PCBP2: variants seen among roughly 807,000 people sequenced by gnomAD.
PCBP2 encodes the protein poly(rC)-binding protein 2.
Under a neutral mutation model 50.1 loss-of-function variants are expected in PCBP2, and 4 were observed. The ratio of observed to expected loss-of-function variants is 0.08; its 90% CI spans 0.04 to 0.18. PCBP2 has a LOEUF of 0.18. Ranked by LOEUF, PCBP2 falls within the 10% of genes least tolerant of loss-of-function variation. The pLI is 1.00. For missense variants in PCBP2, 161 were observed against 474.3 expected, an observed-to-expected ratio of 0.34 and a Z score of 6.14; for synonymous variants, 179 against 168.0, an observed-to-expected ratio of 1.07 and a Z score of -0.51.
intron 13 of PCBP2, among the ~76,000 whole-genome samples, chr12:53,469,786 G>A (rs1040825986): frequency 1.5e-5 from 2 of 132,522 alleles, no homozygotes; most frequent in South Asian, 2.5e-4. Context: ...TTTTGAGACG[G>A]CATCTTGCTC....
At chr12:53,454,653 A>G (rs750935123) in intron 1 of PCBP2, 73 bp from the exon 2 acceptor site, 495 of 650,514 alleles carry the variant, frequency 7.6e-4, no homozygotes, top group Non-Finnish European at 1.2e-3. Flanking sequence ...AAATATTGAT[A>G]AGGTGAAAAT....
At chr12:53,479,108 G>C (rs1225017693) in intron 14 of PCBP2, among the ~76,000 whole-genome samples, 3 of 152,158 alleles carry the variant, frequency 2.0e-5, no homozygotes, top group African/African-American at 7.2e-5. Context: ...AGAGGGGCCT[G>C]TTTCCAGAAA....
At chr12:53,460,985 T>C in intron 6 of PCBP2, 30 bp from the exon 7 acceptor site, 1 of 1,611,150 alleles carries the variant, frequency 6.2e-7, no homozygotes, top group Non-Finnish European at 8.5e-7. Context: ...ACTGTTTTTC[T>C]CTGATTTTGA....
rs1942982929 is a variant in PCBP2 at position 53,480,562 on chromosome 12, C to T, written c.*1120C>T. Reference sequence around the variant, plus strand: ...ACAGTAGGACAGTCCCCACCCCAATCAGGCACCAGGATAAAAGCAGGGACT... The same window carrying T: ...ACAGTAGGACAGTCCCCACCCCAATTAGGCACCAGGATAAAAGCAGGGACT... On this transcript the variant is annotated 3_prime_UTR_variant, in exon 15 of 15. Transcript: ENST00000546463. 1 of 152,656 alleles carries T rather than the reference C, an allele frequency of 6.6e-6. No homozygotes were observed. The highest frequency in any genetic ancestry group is 1.5e-5 in the Non-Finnish European group (1 of 68,070). 9.5% of individuals were successfully genotyped at this position (152,656 alleles called of 1,614,324 possible).
chr12:53,453,800 A>C (rs1369106946), intron 1 of PCBP2, among the ~76,000 whole-genome samples: 1 of 152,214 alleles, frequency 6.6e-6, no homozygotes, highest in Non-Finnish European at 1.5e-5. Context: ...TCTACACATA[A>C]CTAGTTACTC....
At chr12:53,477,924 T>C (rs879133508) in intron 14 of PCBP2, among the ~76,000 whole-genome samples, 1 of 152,186 alleles carries the variant, frequency 6.6e-6, no homozygotes, top group South Asian at 2.1e-4. Context: ...TAACTTATCT[T>C]ATGAACTGAA....
intron 14 of PCBP2, among the ~76,000 whole-genome samples, chr12:53,473,683 C>T (rs1942385637): frequency 6.6e-6 from 1 of 152,072 alleles, no homozygotes; most frequent in Non-Finnish European, 1.5e-5. Context: ...AAAGCTTCAT[C>T]TAACACCAAA....
Position 53,454,890 on chromosome 12 carries a change from T to G in PCBP2, c.69+21T>G, listed in dbSNP as rs182430108. ...GAAAGGTATGCTCTAGCTTGGGAAA[T>G]GGGGTCATAGTAACTGCTAGGGGAG... On this transcript the variant is annotated intron_variant, in intron 2 of 14. Transcript: ENST00000546463. 6,575 of 1,607,522 alleles carry G rather than the reference T, an allele frequency of 4.1e-3. 20 individuals are homozygous for G. Among genetic ancestry groups the G allele is most frequent in the Non-Finnish European group, 4.8e-3 (5,631 of 1,174,022 alleles).
chr12:53,461,193 C>G (rs766277548), intron 7 of PCBP2, 50 bp downstream of exon 7: 9 of 1,595,526 alleles, frequency 5.6e-6, no homozygotes, highest in Non-Finnish European at 8.6e-7. Context: ...ATTCTGGGGA[C>G]AGAGGGACTG....
At chr12:53,460,819 G>A (rs1941402050) in intron 6 of PCBP2, 196 bp from the exon 7 acceptor site, 1 of 503,846 alleles carries the variant, frequency 2.0e-6, no homozygotes, top group East Asian at 3.8e-5. Flanking sequence ...TTGTCTTTCA[G>A]TGGCTAATTT....
At chr12:53,478,742 G>T (rs1942837132) in intron 14 of PCBP2, among the ~76,000 whole-genome samples, 1 of 152,182 alleles carries the variant, frequency 6.6e-6, no homozygotes, top group African/African-American at 2.4e-5. Context: ...GGAGGCACAA[G>T]TTGCAGTGAG....
intron 5 of PCBP2, among the ~76,000 whole-genome samples, chr12:53,458,198 G>A (rs1941182283): frequency 6.6e-6 from 1 of 152,186 alleles, no homozygotes; most frequent in Non-Finnish European, 1.5e-5. Context: ...AAAGTGCTGG[G>A]AATACAGGCC....
intron 14 of PCBP2, among the ~76,000 whole-genome samples, chr12:53,473,938 A>G (rs10876460): frequency 0.28 from 42,031 of 152,008 alleles, 7,196 homozygotes; most frequent in East Asian, 0.73. Flanking sequence ...ATAGGTAAAT[A>G]AAATGAGGTT....
chr12:53,459,310 T>C lies in PCBP2; in HGVS notation c.282T>C (p.Ser94=), dbSNP rs773258780. 6.2e-6 allele frequency: 10 copies of C among 1,613,230 alleles called. No homozygotes were observed. The highest frequency in any genetic ancestry group is 5.9e-6 in the Non-Finnish European group (7 of 1,179,532). ...SSSMTNSTAA[S]RPPVTLRLVV... ...CTATGACCAATAGCACAGCTGCCAGTAGACCCCCGGTCACCCTGAGGCTGG... is the reference window on the plus strand; with the variant it reads ...CTATGACCAATAGCACAGCTGCCAGCAGACCCCCGGTCACCCTGAGGCTGG... The change falls in exon 6 of 15, where the codon AGT becomes AGC. Residue 94 remains serine (S), a synonymous_variant. Transcript: ENST00000546463.
chr12:53,452,453 G>T (rs1251473613), intron 1 of PCBP2, 77 bp downstream of exon 1: 1 of 150,858 alleles, frequency 6.6e-6, no homozygotes, highest in Non-Finnish European at 1.5e-5. Flanking sequence ...GCCGGCTCGG[G>T]TCCTAGTCAC....
At chr12:53,472,850 T>A (rs1481319340) in intron 14 of PCBP2, among the ~76,000 whole-genome samples, 1 of 152,156 alleles carries the variant, frequency 6.6e-6, no homozygotes, top group African/African-American at 2.4e-5. Flanking sequence ...GCTACTACTC[T>A]TTGTGTAGAA....
At chr12:53,468,618 C>G in intron 12 of PCBP2, 159 bp from the exon 13 acceptor site, 1 of 641,624 alleles carries the variant, frequency 1.6e-6, no homozygotes, top group East Asian at 2.7e-5. Context: ...CACCCTTCTC[C>G]CCCACTCTTT....
chr12:53,475,111 C>G (rs1393573059), intron 14 of PCBP2: 6 of 456,364 alleles, frequency 1.3e-5, no homozygotes, highest in Non-Finnish European at 2.6e-5. Context: ...AATGTTGTGT[C>G]TGCTGCTAAG....
chr12:53,463,966 A>G (rs1425450781), intron 8 of PCBP2, among the ~76,000 whole-genome samples: 1 of 152,202 alleles, frequency 6.6e-6, no homozygotes, highest in African/African-American at 2.4e-5. Context: ...GAGAGGTTTC[A>G]CAGGAAGGTC....
Sources: allele counts gnomAD v4.1 joint callset (sites outside exome capture counted in the v4.1 genomes callset), GRCh38; gene constraint gnomAD v4.1.1; transcripts MANE v1.5; gene names NCBI Gene and HGNC (gene_info 2026-07-23, HGNC 2026-07-21).